The following NRXN3 variants were observed in gnomAD, a reference collection of about 807,000 sequenced individuals.
The protein encoded by NRXN3 is neurexin 3.
NRXN3 carries 32 observed loss-of-function variants against 137.6 expected under a neutral mutation model. That is an observed-to-expected ratio of 0.23 (90% confidence interval 0.18 to 0.31). The LOEUF is 0.31. Ranked by LOEUF, NRXN3 falls within the 10% of genes least tolerant of loss-of-function variation. The pLI is 1.00. For missense variants in NRXN3, 1,574 were observed against 2,062.5 expected (o/e 0.76, Z 4.59); for synonymous variants, 798 against 784.5 (o/e 1.02, Z -0.29).
At chr14:79,726,831 A>G (rs955983245) in intron 19 of NRXN3, among the ~76,000 whole-genome samples, 1 of 152,164 alleles carries the variant, frequency 6.6e-6, no homozygotes, top group African/African-American at 2.4e-5. Flanking sequence ...TTCATATAGT[A>G]TGACAGTTTT....
chr14:79,430,444 C>T (rs1351944289), intron 15 of NRXN3, among the ~76,000 whole-genome samples: 1 of 152,132 alleles, frequency 6.6e-6, no homozygotes, highest in East Asian at 1.9e-4. Flanking sequence ...GTTGCACACC[C>T]AATTATTGCT....
At chr14:79,731,737 G>A (rs979944494) in intron 19 of NRXN3, among the ~76,000 whole-genome samples, 6 of 150,978 alleles carry the variant, frequency 4.0e-5, no homozygotes, top group African/African-American at 1.5e-4. Context: ...ACCTGCCTCA[G>A]CCTCTCAAAG....
intron 14 of NRXN3, among the ~76,000 whole-genome samples, chr14:78,978,175 G>A (rs2099475623): frequency 6.6e-6 from 1 of 152,156 alleles, no homozygotes; most frequent in African/African-American, 2.4e-5. Flanking sequence ...TTTGAGAAGA[G>A]GAAGCCATAA....
intron 11 of NRXN3, among the ~76,000 whole-genome samples, chr14:78,960,441 A>G (rs1465218910): frequency 2.6e-5 from 4 of 152,260 alleles, no homozygotes; most frequent in South Asian, 2.1e-4. Context: ...AGTGTGTCCA[A>G]TTTCAGCTAG....
intron 19 of NRXN3, among the ~76,000 whole-genome samples, chr14:79,768,553 G>A (rs545260445): frequency 6.8e-4 from 104 of 152,266 alleles, no homozygotes; most frequent in African/African-American, 2.0e-3. Flanking sequence ...CGGACCTGCC[G>A]CTGAGGGTCC....
intron 16 of NRXN3, among the ~76,000 whole-genome samples, chr14:79,641,015 CG>C (rs1328005208): frequency 7.5e-6 from 1 of 133,168 alleles, no homozygotes; most frequent in African/African-American, 2.5e-5. Flanking sequence ...ATAATCTCCA[CG>C]TTTTTTTTTG....
chr14:78,592,466 G>A (rs888237542), intron 4 of NRXN3, among the ~76,000 whole-genome samples: 2 of 152,094 alleles, frequency 1.3e-5, no homozygotes, highest in African/African-American at 4.8e-5. Context: ...TTACATGCCT[G>A]CCCTGTTTCC....
intron 15 of NRXN3, among the ~76,000 whole-genome samples, chr14:79,016,808 C>A (rs1313802679): frequency 6.6e-6 from 1 of 152,162 alleles, no homozygotes; most frequent in African/African-American, 2.4e-5. Flanking sequence ...AGCCAAGGCT[C>A]CTGGGTCTAT....
intron 15 of NRXN3, among the ~76,000 whole-genome samples, chr14:79,334,849 A>T (rs2092122160): frequency 5.9e-5 from 9 of 152,194 alleles, no homozygotes; most frequent in Admixed American, 5.9e-4. Context: ...TACTTATTTT[A>T]AAATTGATAC....
At chr14:79,596,101 G>C (rs2097856300) in intron 16 of NRXN3, among the ~76,000 whole-genome samples, 1 of 147,372 alleles carries the variant, frequency 6.8e-6, no homozygotes, top group Non-Finnish European at 1.5e-5. Flanking sequence ...TCCTGTGCTT[G>C]CCATTCTGCC....
At chr14:79,054,497 T>G (rs1217566718) in intron 15 of NRXN3, among the ~76,000 whole-genome samples, 1 of 152,114 alleles carries the variant, frequency 6.6e-6, no homozygotes, top group East Asian at 1.9e-4. Context: ...AGCAAAAACT[T>G]TTCACAAAAA....
intron 8 of NRXN3, among the ~76,000 whole-genome samples, chr14:78,748,951 A>T (rs2098628050): frequency 6.6e-6 from 1 of 152,202 alleles, no homozygotes; most frequent in Non-Finnish European, 1.5e-5. Flanking sequence ...TACTCACATC[A>T]CAGCATCTAA....
intron 19 of NRXN3, among the ~76,000 whole-genome samples, chr14:79,749,166 G>T (rs545065123): frequency 6.6e-6 from 1 of 152,058 alleles, no homozygotes; most frequent in African/African-American, 2.4e-5. Flanking sequence ...GAAGTTAATC[G>T]TCTTGGGCAT....
At chr14:78,970,867 A>G (rs2153010391) in intron 14 of NRXN3, among the ~76,000 whole-genome samples, 1 of 152,310 alleles carries the variant, frequency 6.6e-6, no homozygotes, top group Non-Finnish European at 1.5e-5. Flanking sequence ...GGTGAGTCCC[A>G]TGAGCCTAAT....
chr14:78,719,618 G>T (rs1228238664), intron 8 of NRXN3, among the ~76,000 whole-genome samples: 3 of 152,016 alleles, frequency 2.0e-5, no homozygotes, highest in Non-Finnish European at 4.4e-5. Context: ...GAGGTGGGTG[G>T]GTCACCTGAG....
intron 15 of NRXN3, among the ~76,000 whole-genome samples, chr14:79,314,404 A>G (rs371961473): frequency 0.13 from 3,921 of 30,950 alleles, 365 homozygotes; most frequent in Middle Eastern, 0.27. Context: ...CACCTGGCTC[A>G]GAGGGTCCTA....
chr14:78,804,537 C>G (rs917808332), intron 9 of NRXN3, among the ~76,000 whole-genome samples: 6 of 152,200 alleles, frequency 3.9e-5, no homozygotes, highest in African/African-American at 1.4e-4. Flanking sequence ...CTATCACTCA[C>G]TAATAACTCT....
intron 4 of NRXN3, among the ~76,000 whole-genome samples, chr14:78,419,955 G>A (rs10676899): frequency 1.3e-3 from 191 of 149,058 alleles, no homozygotes; most frequent in East Asian, 0.011. Flanking sequence ...GCGCGCGCGC[G>A]CGCACGCACA....
intron 1 of NRXN3, among the ~76,000 whole-genome samples, chr14:78,187,207 G>A (rs1595716045): frequency 6.6e-6 from 1 of 151,670 alleles, no homozygotes; most frequent in South Asian, 2.1e-4. Flanking sequence ...ATTTGCCCAA[G>A]ATCTCTTAGC....
Sources: gnomAD v4.1 joint callset for allele counts (sites outside exome capture counted in the v4.1 genomes callset) on GRCh38, gnomAD v4.1.1 for gene constraint, MANE v1.5 for transcripts, NCBI Gene and HGNC (gene_info 2026-07-23, HGNC 2026-07-21) for gene names.